The following PKP3 variants were observed in gnomAD, a reference collection of about 807,000 sequenced individuals.
The protein encoded by PKP3 is plakophilin-3.
Under a neutral mutation model 76.5 loss-of-function variants are expected in PKP3, and 66 were observed. The ratio of observed to expected loss-of-function variants is 0.86; its 90% CI spans 0.71 to 1.06. The LOEUF is 1.06. Among genes scored for constraint, PKP3 ranks in the 50% least tolerant of loss-of-function variants. The probability of loss-of-function intolerance (pLI) is 0.00; values close to 1 mark genes in which losing one functional copy is unlikely to be tolerated. For missense variants in PKP3, 1,338 were observed against 1,141.0 expected (o/e 1.17, Z -2.49); for synonymous variants, 638 against 516.5 (o/e 1.24, Z -3.19).
chr11:404,536 G>A lies in PKP3; in HGVS notation c.2361G>A (p.Lys787=), dbSNP rs771023380. 3.7e-6 allele frequency: 6 copies of A among 1,612,472 alleles called. No individual in the cohort carries two copies. The highest frequency in any genetic ancestry group is 5.1e-6 in the Non-Finnish European group (6 of 1,179,798). Reference sequence around the variant, plus strand: ...CCTTGGGCCTCTCTCCACTGTAGAAGGGCTATCGGAAGGAGGACTTCCTGG... The same window carrying A: ...CCTTGGGCCTCTCTCCACTGTAGAAAGGCTATCGGAAGGAGGACTTCCTGG... The part of the protein sequence containing the change: ...YNKLHRDFRA[K]GYRKEDFLGP The change falls in exon 13 of 13, where the codon AAG becomes AAA. Residue 787 remains lysine (K), a splice_region_variant and synonymous_variant. Transcript: ENST00000331563. This position sits in a 1 kb window ranked among gnomAD's most constrained non-coding sequence, Gnocchi z 4.2.
At position 399,624 on chromosome 11, in the gene PKP3, C is replaced by T. The variant is rs1184937945; in HGVS notation, c.1274-343C>T. ...TGACCCCTCCACCTCATTCGGTTCC[C>T]CTCCGTCCCTTTGTACCTTTTGCCG... On this transcript the variant is annotated intron_variant, in intron 5 of 12. Transcript: ENST00000331563. Among the ~76,000 whole-genome samples the T allele has an allele frequency of 9.3e-5, 13 of 140,536 alleles. No individual in the cohort carries two copies. In the Admixed American group the frequency reaches 9.4e-4, roughly 10 times the overall value. 92.2% of individuals were successfully genotyped at this position (140,536 alleles called of 152,430 possible). A position where few individuals can be genotyped will look rare whatever the true frequency, so the allele number is the denominator to read the frequency against.
At chr11:395,299 C>A (rs897597457) in intron 1 of PKP3, among the ~76,000 whole-genome samples, 1 of 152,198 alleles carries the variant, frequency 6.6e-6, no homozygotes, top group Non-Finnish European at 1.5e-5. Context: ...TGCCAGGGAC[C>A]CAGATGCCAG....
intron 1 of PKP3, among the ~76,000 whole-genome samples, chr11:394,887 G>A (rs2133593652): frequency 6.6e-6 from 1 of 152,262 alleles, no homozygotes; most frequent in South Asian, 2.1e-4. Context: ...GACTCACATA[G>A]GGTCTCAGGG....
Position 396,800 on chromosome 11 carries a change from C to T in PKP3, c.313-14C>T, listed in dbSNP as rs780911555. ...AGCCCAGGCACGCCCTCACCGCCCCCTCTCGACCCACAGGGCTTCCGGCCC... is the reference window on the plus strand; with the variant it reads ...AGCCCAGGCACGCCCTCACCGCCCCTTCTCGACCCACAGGGCTTCCGGCCC... On this transcript the variant is annotated splice_polypyrimidine_tract_variant and intron_variant, in intron 2 of 12. Coordinates refer to ENST00000331563, the MANE Select transcript of PKP3 (RefSeq NM_007183.4). The T allele has an allele frequency of 5.7e-6, 9 of 1,572,236 alleles. No individual in the cohort carries two copies. Among genetic ancestry groups the T allele is most frequent in the Non-Finnish European group, 6.9e-6 (8 of 1,162,924 alleles).
At chr11:399,839 G>T in intron 5 of PKP3, 128 bp from the exon 6 acceptor site, 1 of 736,458 alleles carries the variant, frequency 1.4e-6, no homozygotes, top group Non-Finnish European at 2.2e-6. Flanking sequence ...CTCCCCAGTG[G>T]GGCTCGTGGG....
At position 400,072 on chromosome 11, in the gene PKP3, G is replaced by C. The variant is rs778159640; in HGVS notation, c.1379G>C (p.Gly460Ala). 2 of 1,602,214 alleles carry C rather than the reference G, an allele frequency of 1.2e-6. No individual in the cohort carries two copies. Among genetic ancestry groups the C allele is most frequent in the Non-Finnish European group, 8.5e-7 (1 of 1,176,606 alleles). The change falls in exon 6 of 13, where the codon GGG becomes GCG. Residue 460 changes from glycine to alanine, a missense_variant. Transcript: ENST00000331563. ...GTGTTGAGCCCCCTGTCGGGGGCTG[G>C]GGGTCCCCCCCTCATCCAGCAGAAC... ...DLVLSPLSGAGGPPLIQQNAS... is the reference protein window; with the variant it reads ...DLVLSPLSGAAGPPLIQQNAS...
chr11:394,199 C>A (rs938329677), upstream of PKP3: 2 of 1,378,822 alleles, frequency 1.5e-6, no homozygotes, highest in Non-Finnish European at 1.9e-6. Context: ...GCTGGCTGGG[C>A]GGGGACTTCA....
Position 403,236 on chromosome 11 carries a change from G to T in PKP3, c.1896G>T (p.Leu632=). The T allele has an allele frequency of 6.3e-7, 1 of 1,588,324 alleles. No homozygotes were observed. The part of the protein sequence containing the change: ...RHTTEAAAGA[L]QNITAGDRRW... ...CGACGGAGGCGGCCGCCGGGGCGCT[G>T]CAGAACATCACGGCAGGCGACCGCA... Residue 632 remains leucine, a synonymous_variant, in exon 9 of 13, where the codon CTG becomes CTT. Transcript: ENST00000331563.
At chr11:403,806 G>A (rs777303678) in intron 10 of PKP3, 35 bp downstream of exon 10, 2 of 1,601,206 alleles carry the variant, frequency 1.2e-6, no homozygotes, top group Middle Eastern at 1.7e-4. Flanking sequence ...TGCCCTGCTG[G>A]ACCCACATGT....
chr11:394,212 G>A lies in PKP3; in HGVS notation c.-81G>A. On this transcript the variant is annotated 5_prime_UTR_variant, in exon 1 of 13. Coordinates refer to ENST00000331563, the MANE Select transcript of PKP3 (RefSeq NM_007183.4). ...AGGCTGGCTGGGCGGGGACTTCAGG[G>A]AGAGGGCCTCGAGGGACAGGACGTG... The A allele has an allele frequency of 7.2e-7, 1 of 1,395,050 alleles. No homozygotes were observed. The highest frequency in any genetic ancestry group is 1.5e-5 in the South Asian group (1 of 65,118). 86.4% of individuals were successfully genotyped at this position (1,395,050 alleles called of 1,614,324 possible).
chr11:397,806 G>A (rs1485045082), intron 4 of PKP3, 144 bp downstream of exon 4: 12 of 757,888 alleles, frequency 1.6e-5, no homozygotes, highest in Admixed American at 2.9e-5. Context: ...AGCCCCCTCA[G>A]CAGAGGAAGA....
chr11:393,810 G>C (rs1002295873), upstream of PKP3, among the ~76,000 whole-genome samples: 4 of 151,982 alleles, frequency 2.6e-5, no homozygotes, highest in African/African-American at 9.7e-5. Context: ...AGCTACCTAG[G>C]GCCCTAGACC....
chr11:404,837 TG>T lies in PKP3; in HGVS notation c.*273del, dbSNP rs1380300245. 1.7e-5 allele frequency: 9 copies of T among 529,484 alleles called. No individual in the cohort carries two copies. In the East Asian group the frequency reaches 2.9e-4, roughly 17 times the overall value. 32.8% of individuals were successfully genotyped at this position (529,484 alleles called of 1,614,324 possible). ...GGTGACCCAGTCACATTGGCAGAGGTGGGGGTTGGCTGTGGCCTGGCAGTAT... is the reference window on the plus strand; with the variant it reads ...GGTGACCCAGTCACATTGGCAGAGGTGGGGTTGGCTGTGGCCTGGCAGTAT... On this transcript the variant is annotated 3_prime_UTR_variant, in exon 13 of 13. Coordinates refer to ENST00000331563, the MANE Select transcript of PKP3 (RefSeq NM_007183.4). This position sits in a 1 kb window ranked among gnomAD's most constrained non-coding sequence, Gnocchi z 4.2.
At position 404,791 on chromosome 11, in the gene PKP3, G is replaced by C; in HGVS notation, c.*222G>C. The C allele has an allele frequency of 1.7e-6, 1 of 584,544 alleles. No individual in the cohort carries two copies. The highest frequency in any genetic ancestry group is 1.9e-5 in the African/African-American group (1 of 53,638). 36.2% of individuals were successfully genotyped at this position (584,544 alleles called of 1,614,324 possible). On this transcript the variant is annotated 3_prime_UTR_variant, in exon 13 of 13. Coordinates refer to ENST00000331563, the MANE Select transcript of PKP3 (RefSeq NM_007183.4). This position sits in a 1 kb window ranked among gnomAD's most constrained non-coding sequence, Gnocchi z 4.2. ...GGGCAGGGGGTGGGGCAGGGCTCAAGGCTGCTCTGGTGTATGGGGTGGTGA... is the reference window on the plus strand; with the variant it reads ...GGGCAGGGGGTGGGGCAGGGCTCAACGCTGCTCTGGTGTATGGGGTGGTGA...
Position 404,765 on chromosome 11 carries a change from A to ACCT in PKP3, c.*196_*197insCCT. ...TTATAGCTGGGGACTTGGCTTCCGC[A>ACCT]GGGCAGGGGGTGGGGCAGGGCTCAA... On this transcript the variant is annotated 3_prime_UTR_variant, in exon 13 of 13. Transcript: ENST00000331563. The surrounding 1 kb of genome is among the most constrained non-coding windows in gnomAD (Gnocchi z 4.2). 6 of 592,706 alleles carry ACCT rather than the reference A, an allele frequency of 1.0e-5. No individual in the cohort carries two copies. In the South Asian group the frequency reaches 1.2e-4, roughly 12 times the overall value. The allele number at this position is 592,706 out of a possible 1,614,324, so 36.7% of individuals were successfully genotyped here. A position where few individuals can be genotyped will look rare whatever the true frequency, so the allele number is the denominator to read the frequency against.
chr11:400,797 G>T (rs865996891), intron 8 of PKP3, 92 bp downstream of exon 8: 1 of 506,014 alleles, frequency 2.0e-6, no homozygotes, highest in Non-Finnish European at 2.3e-6. Context: ...GCTCACCCCC[G>T]CCCCGCTCAC....
At chr11:403,456 C>G (rs1231260216) in intron 9 of PKP3, among the ~76,000 whole-genome samples, 162 bp from the exon 10 acceptor site, 1 of 152,132 alleles carries the variant, frequency 6.6e-6, no homozygotes, top group East Asian at 1.9e-4. Flanking sequence ...AGGGAGGCAC[C>G]TGATCCGGGC....
rs1433976808 is a variant in PKP3 at position 397,318 on chromosome 11, G to C, written c.817G>C (p.Glu273Gln). The change falls in exon 3 of 13, where the codon GAG (glutamate) becomes CAG (glutamine). Residue 273 changes from glutamate to glutamine, a missense_variant. Transcript: ENST00000331563. ...VGGAVPGAVLEPVARAPSVRS... is the reference protein window; with the variant it reads ...VGGAVPGAVLQPVARAPSVRS... ...CGGGGCAGTGCCGGGGGCCGTCCTG[G>C]AGCCAGTGGCTCGAGCGCCATCTGT... 6.3e-7 allele frequency: 1 copy of C among 1,591,892 alleles called. No individual in the cohort carries two copies. The highest frequency in any genetic ancestry group is 1.7e-5 in the Admixed American group (1 of 57,440).
At position 403,689 on chromosome 11, in the gene PKP3, G is replaced by A. The variant is rs766317957; in HGVS notation, c.1995G>A (p.Arg665=). ...RILNPLLDRV[R]TADHHQLRSL... The stretch of plus-strand genomic sequence containing the variant: ...TGAACCCCCTGCTAGACCGTGTCAG[G>A]ACCGCCGACCACCACCAGCTGCGCT... Residue 665 remains arginine, a synonymous_variant, in exon 10 of 13, where the codon AGG becomes AGA. Transcript: ENST00000331563. The A allele has an allele frequency of 1.3e-5, 21 of 1,610,282 alleles. No individual in the cohort carries two copies. In the African/African-American group the frequency reaches 2.4e-4, roughly 18 times the overall value.
Sources: allele counts gnomAD v4.1 joint callset (sites outside exome capture counted in the v4.1 genomes callset), GRCh38; gene constraint gnomAD v4.1.1; non-coding constraint Gnocchi (gnomAD v3.1); transcripts MANE v1.5; gene names NCBI Gene and HGNC (gene_info 2026-07-23, HGNC 2026-07-21).